RAPGEF5: variants seen among roughly 807,000 people sequenced by gnomAD.
RAPGEF5 encodes the protein M-Ras-regulated GEF.
RAPGEF5 carries 65 observed loss-of-function variants against 125.2 expected under a neutral mutation model. The ratio of observed to expected loss-of-function variants is 0.52; its 90% CI spans 0.43 to 0.64. The LOEUF is 0.64. RAPGEF5 is among the 30% of genes least tolerant of loss of function. The pLI is 0.00. For synonymous variants in RAPGEF5, 391 were observed against 385.9 expected (o/e 1.01, Z -0.16); for missense variants, 958 against 1,048.1 (o/e 0.91, Z 1.19).
intron 6 of RAPGEF5, among the ~76,000 whole-genome samples, chr7:22,282,590 C>T (rs770154891): frequency 4.6e-5 from 7 of 152,170 alleles, no homozygotes; most frequent in Non-Finnish European, 7.3e-5. Context: ...TAATTAATAA[C>T]GCCTGTCTCA....
chr7:22,154,689 C>G lies in RAPGEF5; in HGVS notation c.1637-85G>C, dbSNP rs1285586913. ...TTCCAAATCAAGGCACCTTGATCAA[C>G]TTTTCTAAATCAACCCACCTGGCTA... On this transcript the variant is annotated intron_variant, in intron 16 of 25. Transcript: ENST00000665637. 1.1e-5 allele frequency: 17 copies of G among 1,481,614 alleles called. No homozygotes were observed. The East Asian group carries it at 3.9e-4, about 34-fold the overall frequency. 91.8% of individuals were successfully genotyped at this position (1,481,614 alleles called of 1,614,324 possible). A position where few individuals can be genotyped will look rare whatever the true frequency, so the allele number is the denominator to read the frequency against.
At chr7:22,236,075 T>C (rs1484952798) in intron 7 of RAPGEF5, among the ~76,000 whole-genome samples, 2 of 152,184 alleles carry the variant, frequency 1.3e-5, no homozygotes, top group Non-Finnish European at 2.9e-5. Flanking sequence ...CAATGACCAC[T>C]ACATCTCTGC....
chr7:22,178,759 T>C (rs1773049155), intron 11 of RAPGEF5, among the ~76,000 whole-genome samples: 1 of 152,116 alleles, frequency 6.6e-6, no homozygotes, highest in Non-Finnish European at 1.5e-5. Flanking sequence ...TTATAGAAGC[T>C]TCATTAGGTA....
At chr7:22,329,754 C>A (rs1783878739) in intron 1 of RAPGEF5, among the ~76,000 whole-genome samples, 1 of 152,156 alleles carries the variant, frequency 6.6e-6, no homozygotes, top group Non-Finnish European at 1.5e-5. Context: ...GGGTCAGGAT[C>A]CAGCCCATGC....
At chr7:22,302,549 G>A (rs564379006) in intron 5 of RAPGEF5, among the ~76,000 whole-genome samples, 1 of 152,220 alleles carries the variant, frequency 6.6e-6, no homozygotes, top group Non-Finnish European at 1.5e-5. Flanking sequence ...AGACCAGTGA[G>A]GATGAAAAAA....
At chr7:22,226,987 A>C (rs1785934286) in intron 8 of RAPGEF5, among the ~76,000 whole-genome samples, 1 of 152,084 alleles carries the variant, frequency 6.6e-6, no homozygotes. Flanking sequence ...TTAGAAAATT[A>C]TCCCTTCTGA....
chr7:22,288,580 T>C (rs372337045), intron 6 of RAPGEF5, among the ~76,000 whole-genome samples: 1 of 151,810 alleles, frequency 6.6e-6, no homozygotes, highest in African/African-American at 2.4e-5. Flanking sequence ...CAGACTGCAG[T>C]GGCGCTATCT....
chr7:22,193,877 G>T (rs746576455), intron 10 of RAPGEF5, 38 bp downstream of exon 10: 1 of 1,612,236 alleles, frequency 6.2e-7, no homozygotes, highest in Admixed American at 1.7e-5. Context: ...AAAAGGAAAC[G>T]GGAGCGCGTG....
At chr7:22,324,877 G>A (rs1263714376) in intron 1 of RAPGEF5, among the ~76,000 whole-genome samples, 1 of 152,092 alleles carries the variant, frequency 6.6e-6, no homozygotes, top group African/African-American at 2.4e-5. Flanking sequence ...TACTCTCCCT[G>A]AGTGCTCACA....
intron 1 of RAPGEF5, among the ~76,000 whole-genome samples, chr7:22,353,189 A>G (rs1158870010): frequency 1.3e-5 from 2 of 152,226 alleles, no homozygotes; most frequent in Non-Finnish European, 2.9e-5. Flanking sequence ...GATGTTCTAC[A>G]GCACAAATGA....
intron 11 of RAPGEF5, among the ~76,000 whole-genome samples, chr7:22,168,146 C>G (rs76368620): frequency 0.035 from 5,314 of 152,200 alleles, 138 homozygotes; most frequent in Middle Eastern, 0.058. Context: ...CACCCCCACC[C>G]CTGCCACTTT....
chr7:22,262,722 A>T (rs1403176038), intron 7 of RAPGEF5, among the ~76,000 whole-genome samples: 1 of 129,748 alleles, frequency 7.7e-6, no homozygotes, highest in Non-Finnish European at 1.6e-5. Context: ...ATTATGGTAC[A>T]TTCATGCCAC....
intron 6 of RAPGEF5, among the ~76,000 whole-genome samples, chr7:22,272,480 C>G (rs1782458075): frequency 6.6e-6 from 1 of 151,926 alleles, no homozygotes; most frequent in African/African-American, 2.4e-5. Flanking sequence ...AATAGAATTG[C>G]CAATTCACAA....
intron 7 of RAPGEF5, among the ~76,000 whole-genome samples, chr7:22,244,499 G>A (rs1316936541): frequency 6.6e-6 from 1 of 151,988 alleles, no homozygotes; most frequent in Non-Finnish European, 1.5e-5. Flanking sequence ...TAGGTTGCAT[G>A]CTCCTTGTGA....
At chr7:22,306,197 C>T (rs1346508645) in intron 5 of RAPGEF5, among the ~76,000 whole-genome samples, 1 of 152,136 alleles carries the variant, frequency 6.6e-6, no homozygotes, top group Non-Finnish European at 1.5e-5. Flanking sequence ...TTCTCTGCAT[C>T]CTCCTCAGCA....
At position 22,220,964 on chromosome 7, in the gene RAPGEF5, C is replaced by T. The variant is rs137882196; in HGVS notation, c.871-973G>A. 4.1e-3 allele frequency among the ~76,000 whole-genome samples: 625 copies of T among 152,272 alleles called. 1 individual carries two copies. Among genetic ancestry groups the T allele is most frequent in the Admixed American group, 8.7e-3 (133 of 15,292 alleles). On this transcript the variant is annotated intron_variant, in intron 8 of 25. Coordinates refer to ENST00000665637, the MANE Select transcript of RAPGEF5 (RefSeq NM_012294.5). ...AAGAATCCAAACTTCATGATCTTAACGGTTTGTGCTAAAGATACCCGTGTT... is the reference window on the plus strand; with the variant it reads ...AAGAATCCAAACTTCATGATCTTAATGGTTTGTGCTAAAGATACCCGTGTT...
chr7:22,234,062 T>C (rs539868010), intron 7 of RAPGEF5, among the ~76,000 whole-genome samples: 8 of 152,266 alleles, frequency 5.3e-5, no homozygotes, highest in South Asian at 2.1e-4. Context: ...TTCTTGGAAA[T>C]AGGAAAAATT....
At chr7:22,287,951 C>A (rs981493982) in intron 6 of RAPGEF5, among the ~76,000 whole-genome samples, 4 of 152,174 alleles carry the variant, frequency 2.6e-5, no homozygotes, top group South Asian at 4.1e-4. Flanking sequence ...TTCAATTTTG[C>A]AGGCCGATTG....
intron 6 of RAPGEF5, among the ~76,000 whole-genome samples, chr7:22,284,986 T>G (rs1167211033): frequency 1.3e-5 from 2 of 152,202 alleles, no homozygotes; most frequent in African/African-American, 4.8e-5. Context: ...AAAATTTGTT[T>G]AATATACCTA....
Sources: allele counts gnomAD v4.1 joint callset (sites outside exome capture counted in the v4.1 genomes callset), GRCh38; gene constraint gnomAD v4.1.1; transcripts MANE v1.5; gene names NCBI Gene and HGNC (gene_info 2026-07-23, HGNC 2026-07-21).